Variants in ADAMTS3 observed in about 807,000 individuals in gnomAD.
ADAMTS3 encodes the protein ADAM metallopeptidase with thrombospondin type 1 motif 3, also known as A disintegrin and metalloproteinase with thrombospondin motifs 3.
A neutral mutation model predicts 129.0 loss-of-function variants in ADAMTS3; 73 were observed. The observed-to-expected ratio is 0.57, with a 90% CI of 0.47 to 0.69. The LOEUF (loss-of-function observed/expected upper bound fraction) is 0.69. Ranked by LOEUF, ADAMTS3 falls within the 30% of genes least tolerant of loss-of-function variation. The probability of loss-of-function intolerance (pLI) is 0.00; values close to 1 mark genes in which losing one functional copy is unlikely to be tolerated. For synonymous variants in ADAMTS3, 477 were observed against 510.8 expected (o/e 0.93, Z 0.89); for missense variants, 1,457 against 1,514.5 (o/e 0.96, Z 0.63).
intron 4 of ADAMTS3, among the ~76,000 whole-genome samples, chr4:72,379,858 T>C (rs1034289389): frequency 1.3e-5 from 2 of 152,184 alleles, no homozygotes; most frequent in East Asian, 1.9e-4. Context: ...TTCTGATTTA[T>C]ATTATTACTA....
chr4:72,387,441 T>C (rs1307463569), intron 4 of ADAMTS3, among the ~76,000 whole-genome samples: 1 of 152,192 alleles, frequency 6.6e-6, no homozygotes, highest in Non-Finnish European at 1.5e-5. Flanking sequence ...ATCACAAAAA[T>C]TCTTAAATGG....
chr4:72,361,490 T>C (rs1433468657), intron 4 of ADAMTS3, among the ~76,000 whole-genome samples: 3 of 152,138 alleles, frequency 2.0e-5, no homozygotes, highest in South Asian at 4.1e-4. Flanking sequence ...GGTAACAAGA[T>C]CTTTACAGTA....
In ADAMTS3 at chr4:72,387,151, C is replaced by T. The variant is rs141690619; in HGVS notation, c.661+27664G>A. Among the ~76,000 whole-genome samples the T allele has an allele frequency of 4.0e-3, 613 of 152,254 alleles. 3 individuals carry two copies. Among genetic ancestry groups the T allele is most frequent in the African/African-American group, 0.014 (586 of 41,542 alleles). On this transcript the variant is annotated intron_variant, in intron 4 of 21. Transcript: ENST00000286657. ...TGTTTTTTACATTCTGACTCTACTC[C>T]CTTTAGAGAACTAAATCTGTTAGCT...
In ADAMTS3 at chr4:72,339,561, T is replaced by A. The variant is rs1272023800; in HGVS notation, c.794A>T (p.Asp265Val). The stretch of plus-strand genomic sequence containing the variant: ...GCCATGGAAACGGACCACAGAGTCA[T>A]CCACTCCCAGCAGTACCTCGATATT... ...DYNIEVLLGV[D>V]DSVVRFHGKE... Residue 265 changes from aspartate (D) to valine (V), a missense_variant, in exon 5 of 22, where the codon GAT becomes GTT. By Grantham distance (152) the Asp-to-Val change is radical (BLOSUM62 -3). Coordinates refer to ENST00000286657, the MANE Select transcript of ADAMTS3 (RefSeq NM_014243.3). 1.2e-6 allele frequency: 2 copies of A among 1,613,874 alleles called. No individual in the cohort carries two copies. Among genetic ancestry groups the A allele is most frequent in the Admixed American group, 3.3e-5 (2 of 59,992 alleles).
intron 3 of ADAMTS3, among the ~76,000 whole-genome samples, chr4:72,532,567 A>G (rs1260350113): frequency 6.6e-6 from 1 of 152,132 alleles, no homozygotes; most frequent in Non-Finnish European, 1.5e-5. Flanking sequence ...ATTATAATAC[A>G]GTCATGTGTT....
intron 3 of ADAMTS3, among the ~76,000 whole-genome samples, chr4:72,477,717 C>T (rs1313313501): frequency 1.3e-5 from 2 of 151,784 alleles, no homozygotes; most frequent in Non-Finnish European, 2.9e-5. Context: ...GAAATAGAGA[C>T]ACAAAAAACC....
intron 3 of ADAMTS3, among the ~76,000 whole-genome samples, chr4:72,417,941 A>AAAAAAAAAAAAAAAAAAAAAT (rs1722350227): frequency 6.6e-6 from 1 of 150,540 alleles, no homozygotes; most frequent in Non-Finnish European, 1.5e-5. Context: ...TCAAAAAAAA[A>AAAAAAAAAAAAAAAAAAAAAT]AAAGTAAGTA....
Position 72,397,517 on chromosome 4 carries a change from A to T in ADAMTS3, c.661+17298T>A, listed in dbSNP as rs570603888. 2.0e-5 allele frequency among the ~76,000 whole-genome samples: 3 copies of T among 152,044 alleles called. No individual in the cohort carries two copies. The East Asian group carries it at 5.8e-4, about 30-fold the overall frequency. On this transcript the variant is annotated intron_variant, in intron 4 of 21. Coordinates refer to ENST00000286657, the MANE Select transcript of ADAMTS3 (RefSeq NM_014243.3). ...GAGGTGGAGGCTGCAGTGAGCTGAG[A>T]TTGCGCAACTGCATTCCAGCCTGGG...
intron 4 of ADAMTS3, among the ~76,000 whole-genome samples, chr4:72,375,495 T>C (rs1203784709): frequency 3.9e-5 from 6 of 152,160 alleles, no homozygotes; most frequent in Non-Finnish European, 7.3e-5. Context: ...CAAGCTGTGA[T>C]GAGTGCTGGG....
chr4:72,513,937 TG>T (rs1210546344), intron 3 of ADAMTS3, among the ~76,000 whole-genome samples: 1 of 152,186 alleles, frequency 6.6e-6, no homozygotes, highest in Non-Finnish European at 1.5e-5. Context: ...ATGCAGTATT[TG>T]GTTTTCTATT....
intron 4 of ADAMTS3, among the ~76,000 whole-genome samples, chr4:72,365,985 C>T (rs1471236858): frequency 6.6e-6 from 1 of 152,122 alleles, no homozygotes. Context: ...AATGAATGCT[C>T]CCAGCATTGG....
intron 3 of ADAMTS3, among the ~76,000 whole-genome samples, chr4:72,507,251 C>A (rs1720187720): frequency 6.6e-6 from 1 of 152,120 alleles, no homozygotes; most frequent in African/African-American, 2.4e-5. Context: ...AGCTTCCCTT[C>A]CTCTTCTTGT....
intron 3 of ADAMTS3, among the ~76,000 whole-genome samples, chr4:72,458,754 T>G (rs1358647907): frequency 2.0e-5 from 3 of 151,516 alleles, no homozygotes; most frequent in Non-Finnish European, 4.4e-5. Context: ...TAAATAATAA[T>G]CATGATTATA....
chr4:72,515,288 A>G (rs1255928868), intron 3 of ADAMTS3, among the ~76,000 whole-genome samples: 1 of 151,294 alleles, frequency 6.6e-6, no homozygotes, highest in Non-Finnish European at 1.5e-5. Context: ...TAGTGCCGCA[A>G]TAAACATACA....
intron 4 of ADAMTS3, among the ~76,000 whole-genome samples, chr4:72,403,869 G>T (rs1220066365): frequency 6.6e-6 from 1 of 151,930 alleles, no homozygotes; most frequent in Non-Finnish European, 1.5e-5. Flanking sequence ...AATAATTTTG[G>T]AAAATATTTC....
At chr4:72,477,929 C>G (rs1355230645) in intron 3 of ADAMTS3, among the ~76,000 whole-genome samples, 4 of 152,102 alleles carry the variant, frequency 2.6e-5, no homozygotes, top group Admixed American at 6.6e-5. Context: ...TGCAAATAAA[C>G]TAGAAAACCT....
Position 72,290,973 on chromosome 4 carries a change from A to G in ADAMTS3, c.2813T>C (p.Leu938Pro). The G allele has an allele frequency of 1.2e-6, 2 of 1,614,054 alleles. No homozygotes were observed. The highest frequency in any genetic ancestry group is 1.7e-6 in the Non-Finnish European group (2 of 1,179,960). ...LRTVRCLQPL[L>P]DGTNRSVHSK... ...GTGCACAGAGCGGTTGGTGCCATCA[A>G]GGAGTGGCTGAAGGCAGCGTACAGT... Residue 938 changes from leucine (L) to proline (P), a missense_variant, in exon 20 of 22, where the codon CTT becomes CCT. By Grantham distance (98) the Leu-to-Pro change is moderately conservative. Transcript: ENST00000286657.
chr4:72,370,125 G>A (rs540611808), intron 4 of ADAMTS3, among the ~76,000 whole-genome samples: 6 of 152,250 alleles, frequency 3.9e-5, no homozygotes, highest in African/African-American at 1.4e-4. Flanking sequence ...CTAGAGCCCG[G>A]TCATTTTATG....
intron 3 of ADAMTS3, among the ~76,000 whole-genome samples, chr4:72,479,550 G>C (rs1223981647): frequency 6.6e-6 from 1 of 152,066 alleles, no homozygotes; most frequent in Non-Finnish European, 1.5e-5. Flanking sequence ...AACTCAAGAT[G>C]GATTAAAGAC....
Sources: allele counts gnomAD v4.1 joint callset (sites outside exome capture counted in the v4.1 genomes callset), GRCh38; gene constraint gnomAD v4.1.1; transcripts MANE v1.5; gene names NCBI Gene and HGNC (gene_info 2026-07-23, HGNC 2026-07-21).